ALPL: variants seen among roughly 807,000 people sequenced by gnomAD.
ALPL encodes alkaline phosphatase, tissue-nonspecific isozyme.
ALPL carries 42 observed loss-of-function variants against 51.3 expected under a neutral mutation model. The observed-to-expected ratio is 0.82, with a 90% confidence interval of 0.64 to 1.06. The LOEUF is 1.06. ALPL is among the 50% of genes least tolerant of loss of function. The pLI is 0.00. For missense variants in ALPL, 589 were observed against 709.4 expected, an observed-to-expected ratio of 0.83 and a Z score of 1.93; for synonymous variants, 279 against 296.4, an observed-to-expected ratio of 0.94 and a Z score of 0.60.
chr1:21,552,017 G>A (rs1484912902), intron 1 of ALPL, among the ~76,000 whole-genome samples: 4 of 149,842 alleles, frequency 2.7e-5, no homozygotes, highest in African/African-American at 9.8e-5. Flanking sequence ...GAGCCACCGC[G>A]CCCGGCCATT....
At chr1:21,566,471 A>G (rs1461597749) in intron 6 of ALPL, among the ~76,000 whole-genome samples, 1 of 151,334 alleles carries the variant, frequency 6.6e-6, no homozygotes, top group Non-Finnish European at 1.5e-5. Flanking sequence ...TTAAATTTTT[A>G]GTAGAGACGG....
chr1:21,554,851 T>TTCTTTCTTTCTC (rs1282529849), intron 2 of ALPL, among the ~76,000 whole-genome samples: 4 of 135,492 alleles, frequency 3.0e-5, no homozygotes, highest in African/African-American at 1.1e-4. Context: ...CTTTCTTTCT[T>TTCTTTCTTTCTC]TCTTTCTTTC....
intron 6 of ALPL, among the ~76,000 whole-genome samples, chr1:21,565,510 ACTG>A (rs1644550320): frequency 1.3e-5 from 2 of 151,840 alleles, no homozygotes; most frequent in African/African-American, 2.4e-5. Flanking sequence ...TTACATGGGG[ACTG>A]CTCCTCAGAG....
At chr1:21,560,377 G>T (rs1490434600) in intron 2 of ALPL, among the ~76,000 whole-genome samples, 1 of 152,218 alleles carries the variant, frequency 6.6e-6, no homozygotes, top group African/African-American at 2.4e-5. Flanking sequence ...CAAGTTGCTC[G>T]TTGTCTCTGA....
chr1:21,525,712 G>GCTC (rs942738227), intron 1 of ALPL, among the ~76,000 whole-genome samples: 1 of 150,108 alleles, frequency 6.7e-6, no homozygotes, highest in Non-Finnish European at 1.5e-5. Flanking sequence ...TGTAGGCTGG[G>GCTC]CTCCGCGGCT....
intron 9 of ALPL, among the ~76,000 whole-genome samples, chr1:21,575,007 C>T (rs1006082569): frequency 6.6e-6 from 1 of 152,246 alleles, no homozygotes; most frequent in South Asian, 2.1e-4. Context: ...CTGGGCCAAG[C>T]CTCCAGCCAG....
intron 1 of ALPL, among the ~76,000 whole-genome samples, chr1:21,538,712 G>A (rs948920581): frequency 4.6e-5 from 7 of 152,118 alleles, no homozygotes; most frequent in Admixed American, 6.5e-5. Context: ...ATGGGTGGGG[G>A]TGGCCAGGGT....
At position 21,577,758 on chromosome 1, in the gene ALPL, C is replaced by T; in HGVS notation, c.*110C>T. On this transcript the variant is annotated 3_prime_UTR_variant, in exon 12 of 12. Transcript: ENST00000374840. ...GGGGCCTCCTCAGCCTCTGCAACTGCAAGAAAGGGGACCCAAGAAACCAAA... is the reference window on the plus strand; with the variant it reads ...GGGGCCTCCTCAGCCTCTGCAACTGTAAGAAAGGGGACCCAAGAAACCAAA... 1.5e-5 allele frequency: 21 copies of T among 1,401,530 alleles called. No individual in the cohort carries two copies. Among genetic ancestry groups the T allele is most frequent in the Non-Finnish European group, 2.0e-5 (21 of 1,044,896 alleles). The allele number at this position is 1,401,530 out of a possible 1,614,324, so 86.8% of individuals were successfully genotyped here.
chr1:21,572,575 C>A (rs1262915755), intron 8 of ALPL, among the ~76,000 whole-genome samples: 1 of 152,162 alleles, frequency 6.6e-6, no homozygotes. Flanking sequence ...TTATTGGGCA[C>A]CATCTTGGAG....
At chr1:21,571,453 A>G (rs1644646514) in intron 8 of ALPL, among the ~76,000 whole-genome samples, 1 of 151,934 alleles carries the variant, frequency 6.6e-6, no homozygotes, top group Non-Finnish European at 1.5e-5. Context: ...TGGGCGGAGC[A>G]CAAGGTCAGG....
chr1:21,541,424 C>T (rs552574439), intron 1 of ALPL, among the ~76,000 whole-genome samples: 1 of 152,350 alleles, frequency 6.6e-6, no homozygotes, highest in South Asian at 2.1e-4. Context: ...AGCCTGGCTC[C>T]AGCATCCATC....
chr1:21,530,021 C>T (rs563946523), intron 1 of ALPL, among the ~76,000 whole-genome samples: 3 of 152,242 alleles, frequency 2.0e-5, no homozygotes, highest in East Asian at 3.9e-4. Flanking sequence ...GTAATCCACC[C>T]GCCTTGGCTT....
At chr1:21,547,240 TC>T (rs900028758) in intron 1 of ALPL, among the ~76,000 whole-genome samples, 3 of 152,064 alleles carry the variant, frequency 2.0e-5, no homozygotes, top group Non-Finnish European at 2.9e-5. Flanking sequence ...CGTAGCCTGC[TC>T]CCCCTCCCAC....
intron 1 of ALPL, among the ~76,000 whole-genome samples, chr1:21,552,791 G>A (rs1644350769): frequency 6.6e-6 from 1 of 152,132 alleles, no homozygotes. Context: ...CTAGAGTGGT[G>A]TCTTATCTGT....
chr1:21,525,786 G>A (rs1486726445), intron 1 of ALPL, among the ~76,000 whole-genome samples: 2 of 152,186 alleles, frequency 1.3e-5, no homozygotes, highest in African/African-American at 2.4e-5. Context: ...TCAGGAGTTC[G>A]AGACCAGCCT....
intron 6 of ALPL, among the ~76,000 whole-genome samples, chr1:21,567,289 G>A (rs192017943): frequency 8.0e-4 from 122 of 152,350 alleles, no homozygotes; most frequent in African/African-American, 2.7e-3. Flanking sequence ...CACCGCAGGC[G>A]GCTGCTGTTA....
intron 7 of ALPL, among the ~76,000 whole-genome samples, chr1:21,570,083 G>A (rs1230927445): frequency 6.6e-6 from 1 of 152,108 alleles, no homozygotes; most frequent in African/African-American, 2.4e-5. Flanking sequence ...CTGGGCTCAC[G>A]GCCTCCCTGG....
intron 6 of ALPL, among the ~76,000 whole-genome samples, chr1:21,566,610 G>C (rs1484206257): frequency 6.6e-6 from 1 of 151,614 alleles, no homozygotes; most frequent in Non-Finnish European, 1.5e-5. Flanking sequence ...TTATTTTTGA[G>C]ACAGGGTCTC....
chr1:21,514,743 C>G (rs1643761900), intron 1 of ALPL, among the ~76,000 whole-genome samples: 1 of 152,204 alleles, frequency 6.6e-6, no homozygotes, highest in Non-Finnish European at 1.5e-5. Context: ...GTCCTTACAC[C>G]TGCAGACGAC....
Sources: gnomAD v4.1 joint callset for allele counts (sites outside exome capture counted in the v4.1 genomes callset) on GRCh38, gnomAD v4.1.1 for gene constraint, MANE v1.5 for transcripts, NCBI Gene and HGNC (gene_info 2026-07-23, HGNC 2026-07-21) for gene names.